CADPS2: variants seen among roughly 807,000 people sequenced by gnomAD.
CADPS2 encodes the protein calcium dependent secretion activator 2.
In CADPS2, 93 loss-of-function variants were observed where a neutral mutation model predicts 172.5. The observed-to-expected ratio is 0.54, with a 90% CI of 0.46 to 0.64. The LOEUF is 0.64. CADPS2 is among the 30% of genes least tolerant of loss of function. The pLI is 0.00. For synonymous variants in CADPS2, 546 were observed against 555.2 expected (o/e 0.98, Z 0.23); for missense variants, 1,420 against 1,565.9 (o/e 0.91, Z 1.57).
At chr7:122,857,775 C>A (rs1198109676) in intron 1 of CADPS2, among the ~76,000 whole-genome samples, 1 of 152,002 alleles carries the variant, frequency 6.6e-6, no homozygotes. Context: ...TTCGTGGTCT[C>A]GCTGACTTCA....
intron 2 of CADPS2, among the ~76,000 whole-genome samples, chr7:122,724,387 G>A (rs1156673652): frequency 6.6e-6 from 1 of 151,832 alleles, no homozygotes; most frequent in East Asian, 1.9e-4. Flanking sequence ...TATGTTCAGT[G>A]TCGTATAAGC....
intron 1 of CADPS2, among the ~76,000 whole-genome samples, chr7:122,883,150 TCTTA>T (rs1412101677): frequency 6.6e-6 from 1 of 152,172 alleles, no homozygotes; most frequent in Admixed American, 6.5e-5. Context: ...AGACACAACC[TCTTA>T]CTAACTTTGT....
rs1056514777 is a variant in CADPS2, at chr7:122,697,946, G to C, written c.454-34377C>G. 2 of 1,613,716 alleles carry C rather than the reference G, an allele frequency of 1.2e-6. No individual in the cohort carries two copies. Among genetic ancestry groups the C allele is most frequent in the Non-Finnish European group, 1.7e-6 (2 of 1,179,832 alleles). On this transcript the variant is annotated intron_variant, in intron 2 of 29. Coordinates refer to ENST00000449022, the MANE Select transcript of CADPS2 (RefSeq NM_017954.11). The stretch of plus-strand genomic sequence containing the variant: ...TCACTAGGTGATAAGGTTTCAGGCA[G>C]TTCATTTGACATTAGAACTTGCAAA...
At chr7:122,374,530 T>C (rs1204831566) in intron 25 of CADPS2, among the ~76,000 whole-genome samples, 2 of 152,120 alleles carry the variant, frequency 1.3e-5, no homozygotes, top group Non-Finnish European at 2.9e-5. Flanking sequence ...GATCTTAATA[T>C]GTAGAAAACC....
intron 1 of CADPS2, among the ~76,000 whole-genome samples, chr7:122,831,402 C>G (rs1584738632): frequency 1.3e-5 from 2 of 152,304 alleles, no homozygotes; most frequent in East Asian, 3.9e-4. Flanking sequence ...CTTCAAAAAC[C>G]ATCAGTATCT....
At chr7:122,859,304 T>G (rs1286353783) in intron 1 of CADPS2, among the ~76,000 whole-genome samples, 4 of 152,232 alleles carry the variant, frequency 2.6e-5, no homozygotes, top group Non-Finnish European at 4.4e-5. Flanking sequence ...GGATAATTAA[T>G]TAGATGACAT....
chr7:122,482,572 T>C (rs1471794003), intron 11 of CADPS2, among the ~76,000 whole-genome samples: 2 of 152,178 alleles, frequency 1.3e-5, no homozygotes, highest in South Asian at 2.1e-4. Context: ...GAATTAAGTA[T>C]TCTAAAAAAA....
intron 14 of CADPS2, among the ~76,000 whole-genome samples, chr7:122,467,955 C>T (rs1299089174): frequency 6.6e-6 from 1 of 152,078 alleles, no homozygotes; most frequent in Non-Finnish European, 1.5e-5. Flanking sequence ...TTTCTTTCTT[C>T]CTTTCTTTTT....
At chr7:122,515,948 A>T (rs931098952) in intron 8 of CADPS2, among the ~76,000 whole-genome samples, 1 of 151,892 alleles carries the variant, frequency 6.6e-6, no homozygotes, top group Non-Finnish European at 1.5e-5. Flanking sequence ...GAAAAAAAAC[A>T]TGCAAAAAAA....
At chr7:122,658,369 A>AC (rs140305789) in intron 3 of CADPS2, among the ~76,000 whole-genome samples, 118,133 of 152,066 alleles carry the variant, frequency 0.78, 46,391 homozygotes, top group Middle Eastern at 0.92. Flanking sequence ...ATACCATTCG[A>AC]CCAGCCATCC....
chr7:122,842,091 G>A (rs980262500), intron 1 of CADPS2, among the ~76,000 whole-genome samples: 1 of 152,204 alleles, frequency 6.6e-6, no homozygotes, highest in African/African-American at 2.4e-5. Flanking sequence ...CCCAGGAATA[G>A]TCACACATGT....
chr7:122,749,712 G>A (rs1381068275), intron 1 of CADPS2, among the ~76,000 whole-genome samples: 2 of 151,630 alleles, frequency 1.3e-5, no homozygotes, highest in African/African-American at 4.8e-5. Context: ...AAATTTTAGT[G>A]GCAAAAATGC....
At chr7:122,507,582 C>A (rs1446442502) in intron 9 of CADPS2, among the ~76,000 whole-genome samples, 1 of 152,096 alleles carries the variant, frequency 6.6e-6, no homozygotes, top group Non-Finnish European at 1.5e-5. Flanking sequence ...ATATTTAGGA[C>A]CTCCTCTAAG....
chr7:122,433,686 A>G (rs2050269424), intron 17 of CADPS2, among the ~76,000 whole-genome samples: 1 of 152,212 alleles, frequency 6.6e-6, no homozygotes, highest in Non-Finnish European at 1.5e-5. Context: ...TACAGGCGTG[A>G]GCCATTGTGA....
chr7:122,351,372 C>CAAAAAAAA (rs398048049), intron 27 of CADPS2, among the ~76,000 whole-genome samples: 432 of 28,922 alleles, frequency 0.015, 98 homozygotes, highest in African/African-American at 0.056. Flanking sequence ...GACTCCGTCT[C>CAAAAAAAA]AAAAAAAAAA....
intron 3 of CADPS2, among the ~76,000 whole-genome samples, chr7:122,657,307 C>A (rs1393249163): frequency 6.6e-6 from 1 of 152,084 alleles, no homozygotes; most frequent in African/African-American, 2.4e-5. Context: ...TTTTTGGTTC[C>A]ATATGAACTT....
chr7:122,808,629 A>C (rs921335906), intron 1 of CADPS2, among the ~76,000 whole-genome samples: 1 of 152,196 alleles, frequency 6.6e-6, no homozygotes, highest in Non-Finnish European at 1.5e-5. Context: ...TGTAAATGTA[A>C]AACAAATCCA....
At chr7:122,354,264 G>A (rs778117844) in intron 27 of CADPS2, 4 of 152,076 alleles carry the variant, frequency 2.6e-5, no homozygotes, top group Non-Finnish European at 5.9e-5. Flanking sequence ...TCTAGGAACT[G>A]TGAAAACTGC....
At chr7:122,503,091 G>A (rs1411428892) in intron 9 of CADPS2, among the ~76,000 whole-genome samples, 2 of 149,928 alleles carry the variant, frequency 1.3e-5, no homozygotes, top group Non-Finnish European at 2.9e-5. Flanking sequence ...GAGTGCAGTG[G>A]CACTATCTCG....
Sources: gnomAD v4.1 joint callset for allele counts (sites outside exome capture counted in the v4.1 genomes callset) on GRCh38, gnomAD v4.1.1 for gene constraint, MANE v1.5 for transcripts, NCBI Gene and HGNC (gene_info 2026-07-23, HGNC 2026-07-21) for gene names.